Variants in CP observed in about 807,000 individuals in gnomAD.
CP encodes caeruloplasmin.
CP carries 64 observed loss-of-function variants against 122.4 expected under a neutral mutation model. The observed-to-expected ratio is 0.52, with a 90% CI of 0.43 to 0.64. CP has a LOEUF of 0.64. Ranked by LOEUF, CP falls within the 30% of genes least tolerant of loss-of-function variation. CP has a pLI of 0.00. For synonymous variants in CP, 440 were observed against 436.4 expected (o/e 1.01, Z -0.10); for missense variants, 1,167 against 1,284.4 (o/e 0.91, Z 1.40).
At chr3:149,171,698 C>CTTTTTTTT (rs1170000443), downstream of CP, among the ~76,000 whole-genome samples, 10 of 118,264 alleles carry the variant, frequency 8.5e-5, no homozygotes, top group African/African-American at 2.2e-4. Flanking sequence ...GAACTGGCTT[C>CTTTTTTTT]TTTTTTTTTT....
At chr3:149,203,638 C>G (rs80043139) in intron 6 of CP, among the ~76,000 whole-genome samples, 1 of 152,166 alleles carries the variant, frequency 6.6e-6, no homozygotes, top group African/African-American at 2.4e-5. Flanking sequence ...ATTTTGCAAA[C>G]GAAGAAATTA....
rs201248089 is a variant in CP, at chr3:149,167,213, T to C, written c.587-1163A>G. 23 of 1,613,594 alleles carry C rather than the reference T, an allele frequency of 1.4e-5. No homozygotes were observed. The East Asian group carries it at 4.0e-4, about 28-fold the overall frequency. On this transcript the variant is annotated intron_variant, in intron 4 of 5. Transcript: ENST00000479771. The stretch of plus-strand genomic sequence containing the variant: ...GCCCGGAGGCAGTCATTCCATATGC[T>C]AATCATGAACTGAAAGAAGAGAACC...
intron 6 of CP, among the ~76,000 whole-genome samples, chr3:149,203,414 C>A (rs1317005069): frequency 3.3e-5 from 5 of 152,160 alleles, no homozygotes; most frequent in Admixed American, 2.0e-4. Context: ...CAGGCATATG[C>A]CACCATGCTC....
At chr3:149,181,979 A>ACCTCCCCCC in intron 14 of CP, 26 bp downstream of exon 14, 1 of 515,796 alleles carries the variant, frequency 1.9e-6, no homozygotes, top group Non-Finnish European at 3.7e-6. Context: ...AAAATGCACC[A>ACCTCCCCCC]CCCCCACCCC....
rs1041936828 is a variant in CP at position 149,173,085 on chromosome 3, G to A, written c.*629C>T. 4.6e-5 allele frequency: 7 copies of A among 152,206 alleles called. No homozygotes were observed. The highest frequency in any genetic ancestry group is 1.2e-4 in the African/African-American group (5 of 41,404). 9.4% of individuals were successfully genotyped at this position (152,206 alleles called of 1,614,324 possible). On this transcript the variant is annotated 3_prime_UTR_variant, in exon 19 of 19. Coordinates refer to ENST00000264613, the MANE Select transcript of CP (RefSeq NM_000096.4). ...TTCTACTCATGTGACATCTGCCACA[G>A]GTCTATTTTGAAGCTTTTCTTCTAA...
In CP at chr3:149,173,707, A is replaced by G. The variant is rs1305808874; in HGVS notation, c.*7T>C. 5 of 1,445,554 alleles carry G rather than the reference A, an allele frequency of 3.5e-6. No homozygotes were observed. Among genetic ancestry groups the G allele is most frequent in the Admixed American group, 1.8e-5 (1 of 54,650 alleles). 89.5% of individuals were successfully genotyped at this position (1,445,554 alleles called of 1,614,324 possible). On this transcript the variant is annotated 3_prime_UTR_variant, in exon 19 of 19. Coordinates refer to ENST00000264613, the MANE Select transcript of CP (RefSeq NM_000096.4). The stretch of plus-strand genomic sequence containing the variant: ...TCTTTTTTCCACTTATCACCAATTT[A>G]TTTCATTCAGCCAGATTTGGTGTCT...
intron 9 of CP, among the ~76,000 whole-genome samples, chr3:149,195,578 G>A (rs1726846135): frequency 6.6e-6 from 1 of 152,164 alleles, no homozygotes; most frequent in Non-Finnish European, 1.5e-5. Context: ...AGTGAAAAAA[G>A]CAAAGATATG....
chr3:149,193,656 A>G (rs967118254), intron 9 of CP, among the ~76,000 whole-genome samples: 2 of 152,188 alleles, frequency 1.3e-5, no homozygotes, highest in African/African-American at 4.8e-5. Context: ...TTAGAAATTG[A>G]TTGACTTCAC....
chr3:149,164,868 T>A (rs1724253474), intron 5 of CP, among the ~76,000 whole-genome samples: 1 of 152,168 alleles, frequency 6.6e-6, no homozygotes, highest in Non-Finnish European at 1.5e-5. Flanking sequence ...ATCTTCATCA[T>A]TTGATTGGCC....
At chr3:149,182,261 G>T in intron 13 of CP, 128 bp from the exon 14 acceptor site, 1 of 1,007,894 alleles carries the variant, frequency 9.9e-7, no homozygotes, top group Non-Finnish European at 1.5e-6. Context: ...GATTTATACT[G>T]CGTCCCAGGG....
At chr3:149,176,170 G>T in intron 18 of CP, 80 bp downstream of exon 18, 3 of 1,287,994 alleles carry the variant, frequency 2.3e-6, no homozygotes, top group Non-Finnish European at 3.4e-6. Context: ...GCATCATATT[G>T]GGGGAAGTAT....
chr3:149,185,523 G>T, intron 11 of CP, 77 bp from the exon 12 acceptor site: 1 of 1,351,570 alleles, frequency 7.4e-7, no homozygotes, highest in Non-Finnish European at 1.0e-6. Context: ...CAGAATTAAT[G>T]CTGAAGTCCT....
At chr3:149,172,318 T>TCACACACACACA (rs113015797), downstream of CP, 7,150 of 571,072 alleles carry the variant, frequency 0.013, 78 homozygotes, top group African/African-American at 0.044. Flanking sequence ...ATTTTATATA[T>TCACACACACACA]CACACACACA....
In CP at chr3:149,199,858, A is replaced by G. The variant is rs761433684; in HGVS notation, c.1355T>C (p.Val452Ala). 1.4e-5 allele frequency: 23 copies of G among 1,613,938 alleles called. No individual in the cohort carries two copies. Among genetic ancestry groups the G allele is most frequent in the Non-Finnish European group, 1.8e-5 (21 of 1,179,930 alleles). ...GGTGTCTCCCACCTCTGCCCAAATG[A>G]CAGGACCTGGGAACAAAGAGAGAAT... ...EEEHLGILGP[V>A]IWAEVGDTIR... The change falls in exon 8 of 19, where the codon GTC becomes GCC. Residue 452 changes from valine (V) to alanine (A), a missense_variant. This residue lies in a region of CP where 642 missense variants were observed against 627.3 expected (regional missense o/e 1.02). Coordinates refer to ENST00000264613, the MANE Select transcript of CP (RefSeq NM_000096.4).
At position 149,185,244 on chromosome 3, in the gene CP, C is replaced by A; in HGVS notation, c.2280G>T (p.Glu760Asp). 1 of 1,612,284 alleles carries A rather than the reference C, an allele frequency of 6.2e-7. No individual in the cohort carries two copies. The highest frequency in any genetic ancestry group is 8.5e-7 in the Non-Finnish European group (1 of 1,179,814). ...EWEKELHHLQ[E>D]QNVSNAFLDK... ...ATCAGAGTCTGGAGAATTACTTCTG[C>A]TCTTGTAAATGATGCAGCTCCTTTT... Residue 760 changes from glutamate (E) to aspartate (D), a missense_variant, in exon 12 of 19, where the codon GAG (glutamate) becomes GAT (aspartate). Physicochemically the swap from Glu to Asp is conservative, Grantham distance 45 (BLOSUM62 2). Coordinates refer to ENST00000264613, the MANE Select transcript of CP (RefSeq NM_000096.4).
chr3:149,202,410 G>T (rs1359982581), intron 6 of CP, among the ~76,000 whole-genome samples, 169 bp from the exon 7 acceptor site: 1 of 152,138 alleles, frequency 6.6e-6, no homozygotes, highest in Admixed American at 6.5e-5. Flanking sequence ...GACAGTTCCA[G>T]TCCACTCATA....
At chr3:149,173,795 T>A in intron 18 of CP, 65 bp from the exon 19 acceptor site, 1 of 802,300 alleles carries the variant, frequency 1.2e-6, no homozygotes, top group Non-Finnish European at 2.0e-6. Context: ...TAGTAGATGG[T>A]TCTTTAAATG....
rs1351532741 is a variant in CP at position 149,186,602 on chromosome 3, A to T, written c.1995T>A (p.Tyr665Ter). 3 of 1,614,188 alleles carry T rather than the reference A, an allele frequency of 1.9e-6. No individual in the cohort carries two copies. Among genetic ancestry groups the T allele is most frequent in the Non-Finnish European group, 2.5e-6 (3 of 1,180,026 alleles). ...TGTCTCTCCGTTCTCCTCTCCACAG[A>T]TATGTGTTTCCTGAAAAGTATATTC... Reference protein sequence around the residue: ...VHGIYFSGNTYLWRGERRDTA... With the variant: ...VHGIYFSGNT The change falls in exon 11 of 19, where the codon TAT becomes TAA. Residue 665 changes from tyrosine (Y) to a stop codon, truncating the protein, a stop_gained. Coordinates refer to ENST00000264613, the MANE Select transcript of CP (RefSeq NM_000096.4). LOFTEE classifies it high-confidence loss of function.
rs537682089 is a variant in CP at position 149,216,354 on chromosome 3, T to C, written c.147-3656A>G. On this transcript the variant is annotated intron_variant, in intron 1 of 18. Transcript: ENST00000264613. ...GCCAGAATTCAGTTCAGTGGGGTCA[T>C]AGAATTAAAATCCTTGTTTGCTTGC... Among the ~76,000 whole-genome samples, 719 of 152,312 alleles carry C rather than the reference T, an allele frequency of 4.7e-3. 8 individuals are homozygous for C. Among genetic ancestry groups the C allele is most frequent in the Non-Finnish European group, 4.0e-3 (269 of 68,024 alleles).
Sources: gnomAD v4.1 joint callset for allele counts (sites outside exome capture counted in the v4.1 genomes callset) on GRCh38, gnomAD v4.1.1 for gene constraint, gnomAD v4.1.1 regional missense constraint, MANE v1.5 for transcripts, NCBI Gene and HGNC (gene_info 2026-07-23, HGNC 2026-07-21) for gene names.